Variants in PLCXD1 observed in about 807,000 individuals in gnomAD.
PLCXD1 encodes the protein phosphatidylinositol specific phospholipase C X domain containing 1, also known as PI-PLC X domain-containing protein 1.
PLCXD1 carries 45 observed loss-of-function variants against 37.8 expected under a neutral mutation model. That is an observed-to-expected ratio of 1.19 (90% CI 0.94 to 1.53). The LOEUF is 1.53. Ranked by LOEUF, PLCXD1 falls within the 40% of genes most tolerant of loss-of-function variation. The pLI is 0.00. For missense variants in PLCXD1, 539 were observed against 454.7 expected (o/e 1.19, Z -1.69); for synonymous variants, 246 against 206.9 (o/e 1.19, Z -1.62).
chrX:292,437 A>T (rs904430592), intron 5 of PLCXD1, among the ~76,000 whole-genome samples: 1 of 151,840 alleles, frequency 6.6e-6, no homozygotes, highest in Non-Finnish European at 1.5e-5. Context: ...CCAGCCTGGG[A>T]GACAGAGCGA....
At chrX:284,600 GCACACACGCA>G (rs35597629) in intron 2 of PLCXD1, among the ~76,000 whole-genome samples, 80,813 of 130,088 alleles carry the variant, frequency 0.62, 22,903 homozygotes, top group Non-Finnish European at 0.67. Context: ...ACGCACACAC[GCACACACGCA>G]CACATGCACA....
chrX:289,320 C>T (rs1253470398), intron 3 of PLCXD1, among the ~76,000 whole-genome samples: 1 of 151,934 alleles, frequency 6.6e-6, no homozygotes, highest in African/African-American at 2.4e-5. Flanking sequence ...ATCTCCTGAC[C>T]TCATGATCTG....
chrX:291,730 C>T, intron 5 of PLCXD1, 76 bp downstream of exon 5: 1 of 1,475,790 alleles, frequency 6.8e-7, no homozygotes, highest in South Asian at 1.1e-5. Context: ...TTTGCTGTGC[C>T]CTGGGTGTGG....
At chrX:287,834 G>A (rs1397135136) in intron 2 of PLCXD1, among the ~76,000 whole-genome samples, 2 of 151,768 alleles carry the variant, frequency 1.3e-5, no homozygotes, top group Admixed American at 1.3e-4. Context: ...TCAGCCATCA[G>A]TCAAACTCTA....
chrX:282,581 T>C (rs1440081088), intron 1 of PLCXD1, among the ~76,000 whole-genome samples: 1 of 150,258 alleles, frequency 6.7e-6, no homozygotes, highest in Non-Finnish European at 1.5e-5. Flanking sequence ...GGCGGGCGCC[T>C]GTAATCCCAG....
In PLCXD1 at chrX:299,419, G is replaced by A. The variant is rs1480099121; in HGVS notation, c.*84G>A. On this transcript the variant is annotated 3_prime_UTR_variant, in exon 7 of 7. Transcript: ENST00000381657. The stretch of plus-strand genomic sequence containing the variant: ...TATTGTGACTTTGTTTGGGCCAAAT[G>A]TTGGTGATCATAGGACCGATGATAA... 3 of 984,596 alleles carry A rather than the reference G, an allele frequency of 3.0e-6. No individual in the cohort carries two copies. The highest frequency in any genetic ancestry group is 3.4e-5 in the Admixed American group (2 of 58,214). The allele number at this position is 984,596 out of a possible 1,614,324, so 61.0% of individuals were successfully genotyped here. A position where few individuals can be genotyped will look rare whatever the true frequency, so the allele number is the denominator to read the frequency against.
At chrX:282,148 A>G (rs1222772542) in intron 1 of PLCXD1, among the ~76,000 whole-genome samples, 2 of 152,190 alleles carry the variant, frequency 1.3e-5, no homozygotes, top group Non-Finnish European at 2.9e-5. Context: ...AAGATCAACA[A>G]TTCTAATTGA....
At chrX:289,765 C>T (rs1288574250) in intron 3 of PLCXD1, among the ~76,000 whole-genome samples, 2 of 151,820 alleles carry the variant, frequency 1.3e-5, no homozygotes, top group Admixed American at 6.6e-5. Context: ...CCCGCCTCAG[C>T]CTCCCAAAGT....
chrX:289,004 C>T (rs905557459), intron 3 of PLCXD1, 135 bp downstream of exon 3: 19 of 793,608 alleles, frequency 2.4e-5, no homozygotes, highest in Non-Finnish European at 4.0e-5. Context: ...GGTTCCTATC[C>T]CAGCTGCGGA....
chrX:296,723 T>G (rs1486276833), intron 6 of PLCXD1, among the ~76,000 whole-genome samples: 3 of 152,096 alleles, frequency 2.0e-5, no homozygotes, highest in Admixed American at 6.5e-5. Context: ...AACAGCATTC[T>G]TCCTGTCTAT....
rs767812706 is a variant in PLCXD1, at chrX:302,080, A to G, written c.*2745A>G. On this transcript the variant is annotated 3_prime_UTR_variant, in exon 7 of 7. Transcript: ENST00000381657. ...TGCCCGGTTCTGCCGAAGCCCCTTG[A>G]AGGCTGTGGCCTGGGCTGTTCCCTC... The G allele has an allele frequency of 4.6e-5, 7 of 152,372 alleles. No individual in the cohort carries two copies. The highest frequency in any genetic ancestry group is 1.7e-4 in the African/African-American group (7 of 41,548). The allele number at this position is 152,372 out of a possible 1,614,324, so 9.4% of individuals were successfully genotyped here.
chrX:297,372 C>T (rs778743511), intron 6 of PLCXD1, among the ~76,000 whole-genome samples: 2 of 44,558 alleles, frequency 4.5e-5, no homozygotes, highest in Admixed American at 1.9e-4. Flanking sequence ...ATTCTGTCTC[C>T]CACATGGGGA....
chrX:293,209 G>A lies in PLCXD1; in HGVS notation c.724G>A (p.Gly242Ser), dbSNP rs752771178. Residue 242 changes from glycine (G) to serine (S), a missense_variant, in exon 6 of 7, where the codon GGC becomes AGC. By Grantham distance (56) the Gly-to-Ser change is moderately conservative (BLOSUM62 0). Coordinates refer to ENST00000381657, the MANE Select transcript of PLCXD1 (RefSeq NM_018390.4). ...IRYLETMKSC[G>S]RPGGLFVAGI... The stretch of plus-strand genomic sequence containing the variant: ...ATACCTGGAGACCATGAAGAGCTGC[G>A]GCCGCCCAGGTACCAGGTCGCCCCT... 6.2e-6 allele frequency: 10 copies of A among 1,609,190 alleles called. No homozygotes were observed. Among genetic ancestry groups the A allele is most frequent in the Middle Eastern group, 2.1e-4 (1 of 4,780 alleles).
intron 2 of PLCXD1, among the ~76,000 whole-genome samples, chrX:285,495 C>T (rs1351640843): frequency 4.6e-5 from 7 of 152,110 alleles, no homozygotes; most frequent in African/African-American, 9.7e-5. Flanking sequence ...CGCAGAGACA[C>T]GTCTATGCAA....
chrX:289,735 A>G (rs28438037), intron 3 of PLCXD1, among the ~76,000 whole-genome samples: 3,798 of 143,006 alleles, frequency 0.027, 146 homozygotes, highest in African/African-American at 0.091. Flanking sequence ...ATGGTCTCGA[A>G]CTCCTGACCT....
intron 2 of PLCXD1, among the ~76,000 whole-genome samples, chrX:284,764 G>A (rs1409125797): frequency 1.2e-4 from 11 of 92,212 alleles, no homozygotes; most frequent in Admixed American, 1.1e-3. Flanking sequence ...TATAAAAGAG[G>A]TTTAATGGAC....
chrX:281,886 T>C (rs1243404747), intron 1 of PLCXD1, among the ~76,000 whole-genome samples: 2 of 152,074 alleles, frequency 1.3e-5, no homozygotes, highest in Non-Finnish European at 2.9e-5. Flanking sequence ...TAGCTGGGAT[T>C]ACAGGCGTGC....
At chrX:296,832 ACC>A (rs1462605353) in intron 6 of PLCXD1, among the ~76,000 whole-genome samples, 1 of 114,732 alleles carries the variant, frequency 8.7e-6, no homozygotes, top group Non-Finnish European at 1.8e-5. Flanking sequence ...TATCCTGTCT[ACC>A]TCATGGGGAT....
intron 3 of PLCXD1, among the ~76,000 whole-genome samples, chrX:289,406 G>A (rs779439595): frequency 5.2e-4 from 78 of 150,690 alleles, no homozygotes; most frequent in African/African-American, 1.5e-3. Flanking sequence ...ATTAAATGGC[G>A]TAAAGCTAAT....
Sources: allele counts gnomAD v4.1 joint callset (sites outside exome capture counted in the v4.1 genomes callset), GRCh38; gene constraint gnomAD v4.1.1; transcripts MANE v1.5; gene names NCBI Gene and HGNC (gene_info 2026-07-23, HGNC 2026-07-21).